MPPED2: variants seen among roughly 807,000 people sequenced by gnomAD.
MPPED2 encodes metallophosphoesterase domain containing 2.
MPPED2 carries 5 observed loss-of-function variants against 33.0 expected under a neutral mutation model. The ratio of observed to expected loss-of-function variants is 0.15; its 90% CI spans 0.08 to 0.32. MPPED2 has a LOEUF of 0.32. Ranked by LOEUF, MPPED2 falls within the 10% of genes least tolerant of loss-of-function variation. The pLI is 1.00. For synonymous variants in MPPED2, 136 were observed against 141.9 expected, an observed-to-expected ratio of 0.96 and a Z score of 0.29; for missense variants, 275 against 372.1, an observed-to-expected ratio of 0.74 and a Z score of 2.15.
intron 3 of MPPED2, chr11:30,504,935 A>G: frequency 1.8e-6 from 1 of 542,908 alleles, no homozygotes; most frequent in Non-Finnish European, 3.2e-6. Flanking sequence ...CCGGTGGTCC[A>G]CTGCAGGAAT....
chr11:30,546,542 T>G (rs1955433930), intron 2 of MPPED2, among the ~76,000 whole-genome samples: 1 of 152,216 alleles, frequency 6.6e-6, no homozygotes, highest in African/African-American at 2.4e-5. Context: ...GTTAATGGGC[T>G]TCATTGTTTA....
chr11:30,432,880 G>C (rs1012112177), intron 4 of MPPED2, among the ~76,000 whole-genome samples: 2 of 152,144 alleles, frequency 1.3e-5, no homozygotes, highest in Non-Finnish European at 2.9e-5. Context: ...ACAATGCTAG[G>C]TTCCCAGGCA....
In MPPED2 at chr11:30,458,744, T is replaced by C. The variant is rs78383036; in HGVS notation, c.536+36552A>G. ...CTACCACCAAAGGTTCTGATTCATGTCTAAGAAGGGCTGAGGCACTGGGTT... is the reference window on the plus strand; with the variant it reads ...CTACCACCAAAGGTTCTGATTCATGCCTAAGAAGGGCTGAGGCACTGGGTT... On this transcript the variant is annotated intron_variant, in intron 4 of 6. Coordinates refer to ENST00000358117, the MANE Select transcript of MPPED2 (RefSeq NM_001584.3). 3.8e-3 allele frequency among the ~76,000 whole-genome samples: 583 copies of C among 152,186 alleles called. 4 individuals carry two copies. Among genetic ancestry groups the C allele is most frequent in the African/African-American group, 0.013 (549 of 41,510 alleles).
At chr11:30,399,503 C>T (rs1451776310) in intron 6 of MPPED2, among the ~76,000 whole-genome samples, 1 of 152,192 alleles carries the variant, frequency 6.6e-6, no homozygotes, top group African/African-American at 2.4e-5. Context: ...GCAGGCATCA[C>T]ACAGAGTAGA....
rs1318815473 is a variant in MPPED2 at position 30,560,348 on chromosome 11, A to AACTGCCTG, written c.128+19890_128+19897dup. On this transcript the variant is annotated intron_variant, in intron 2 of 6. Transcript: ENST00000358117. ...AATATGTTAACCATTTTCTGTGGCC[A>AACTGCCTG]ACTGCCTGAAAAGCTTCAGATTGCT... Among the ~76,000 whole-genome samples, 9 of 151,980 alleles carry AACTGCCTG rather than the reference A, an allele frequency of 5.9e-5. 1 individual carries two copies. Among genetic ancestry groups the AACTGCCTG allele is most frequent in the Admixed American group, 2.6e-4 (4 of 15,234 alleles).
rs142297339 is a variant in MPPED2 at position 30,503,739 on chromosome 11, C to A, written c.311-8218G>T. Among the ~76,000 whole-genome samples the A allele has an allele frequency of 1.8e-3, 275 of 152,280 alleles. 2 individuals are homozygous for A. The highest frequency in any genetic ancestry group is 6.3e-3 in the African/African-American group (262 of 41,552). On this transcript the variant is annotated intron_variant, in intron 3 of 6. Coordinates refer to ENST00000358117, the MANE Select transcript of MPPED2 (RefSeq NM_001584.3). ...CTATGCCCTCTCCCCTCTATTCTCCCATATTATAGATTTTTAAAATATATA... is the reference window on the plus strand; with the variant it reads ...CTATGCCCTCTCCCCTCTATTCTCCAATATTATAGATTTTTAAAATATATA...
intron 6 of MPPED2, among the ~76,000 whole-genome samples, chr11:30,397,126 T>C (rs576814928): frequency 1.3e-5 from 2 of 152,286 alleles, no homozygotes; most frequent in South Asian, 2.1e-4. Context: ...TCAGAAAATA[T>C]TATTTACTGT....
At chr11:30,495,924 A>T (rs1344391824) in intron 3 of MPPED2, among the ~76,000 whole-genome samples, 1 of 152,176 alleles carries the variant, frequency 6.6e-6, no homozygotes, top group Non-Finnish European at 1.5e-5. Flanking sequence ...ACTATTCTTA[A>T]CAACTTAGAT....
intron 2 of MPPED2, among the ~76,000 whole-genome samples, chr11:30,575,560 T>C (rs1363727107): frequency 1.3e-5 from 2 of 152,228 alleles, no homozygotes; most frequent in African/African-American, 4.8e-5. Flanking sequence ...GTGTATATTG[T>C]CCTCATTCCC....
At chr11:30,448,202 G>A (rs1949898459) in intron 4 of MPPED2, among the ~76,000 whole-genome samples, 1 of 152,166 alleles carries the variant, frequency 6.6e-6, no homozygotes, top group South Asian at 2.1e-4. Flanking sequence ...GAATACTAAA[G>A]GACATCTTGA....
At chr11:30,506,807 T>G (rs1335264007) in intron 3 of MPPED2, among the ~76,000 whole-genome samples, 1 of 152,236 alleles carries the variant, frequency 6.6e-6, no homozygotes, top group East Asian at 1.9e-4. Context: ...ACTACTGTCA[T>G]TTTTGCATGC....
At chr11:30,583,134 C>CTTTTTTTTTTTTTTTTTTTTTTTTTTTTT (rs199611856) in intron 1 of MPPED2, among the ~76,000 whole-genome samples, 3 of 96,710 alleles carry the variant, frequency 3.1e-5, no homozygotes, top group African/African-American at 1.5e-4. Flanking sequence ...AAGACTTTTT[C>CTTTTTTTTTTTTTTTTTTTTTTTTTTTTT]TTTTTTTTTT....
intron 4 of MPPED2, among the ~76,000 whole-genome samples, chr11:30,484,090 T>C (rs1212551137): frequency 2.0e-5 from 3 of 152,232 alleles, no homozygotes; most frequent in Non-Finnish European, 4.4e-5. Flanking sequence ...GTCTTCAATG[T>C]TGATTTACAT....
intron 2 of MPPED2, among the ~76,000 whole-genome samples, chr11:30,567,065 A>C (rs1045698251): frequency 2.6e-5 from 4 of 152,202 alleles, no homozygotes; most frequent in Non-Finnish European, 5.9e-5. Context: ...GAAAAAACAA[A>C]AAATACAGGA....
At chr11:30,511,355 A>G (rs1953178337) in intron 3 of MPPED2, among the ~76,000 whole-genome samples, 1 of 152,208 alleles carries the variant, frequency 6.6e-6, no homozygotes. Context: ...GGAGCAACAG[A>G]TAATAAAGAA....
At chr11:30,460,082 A>C (rs1950458653) in intron 4 of MPPED2, among the ~76,000 whole-genome samples, 1 of 152,226 alleles carries the variant, frequency 6.6e-6, no homozygotes, top group South Asian at 2.1e-4. Context: ...ACACAAGATC[A>C]GGTACACCCT....
intron 4 of MPPED2, among the ~76,000 whole-genome samples, chr11:30,431,166 G>A (rs943868514): frequency 6.6e-6 from 1 of 152,280 alleles, no homozygotes; most frequent in East Asian, 1.9e-4. Context: ...GGGTTGGGGG[G>A]GATTCCTAAG....
intron 2 of MPPED2, among the ~76,000 whole-genome samples, chr11:30,567,156 G>A (rs1296708123): frequency 6.6e-6 from 1 of 152,100 alleles, no homozygotes; most frequent in African/African-American, 2.4e-5. Flanking sequence ...AAGACCTTGG[G>A]AAAAATTCGG....
intron 4 of MPPED2, among the ~76,000 whole-genome samples, chr11:30,452,620 T>C (rs1196938699): frequency 6.6e-6 from 1 of 152,206 alleles, no homozygotes; most frequent in Non-Finnish European, 1.5e-5. Context: ...ACGCTAAAGC[T>C]TGAGAATGAC....
Sources: gnomAD v4.1 joint callset for allele counts (sites outside exome capture counted in the v4.1 genomes callset) on GRCh38, gnomAD v4.1.1 for gene constraint, MANE v1.5 for transcripts, NCBI Gene and HGNC (gene_info 2026-07-23, HGNC 2026-07-21) for gene names.